CCDC191: variants seen among roughly 807,000 people sequenced by gnomAD.
CCDC191 encodes coiled-coil domain-containing protein 191.
In CCDC191, 99 loss-of-function variants were observed where a neutral mutation model predicts 114.0. The observed-to-expected ratio is 0.87, with a 90% confidence interval of 0.74 to 1.03. The LOEUF (loss-of-function observed/expected upper bound fraction) is 1.03, where lower values mean the gene tolerates loss of function less well. Ranked by LOEUF, CCDC191 falls within the 50% of genes least tolerant of loss-of-function variation. CCDC191 has a pLI of 0.00. For synonymous variants in CCDC191, 351 were observed against 376.0 expected, an observed-to-expected ratio of 0.93 and a Z score of 0.77; for missense variants, 973 against 1,087.0, an observed-to-expected ratio of 0.90 and a Z score of 1.47.
chr3:114,003,442 T>C (rs1305197891), intron 11 of CCDC191: 1 of 985,262 alleles, frequency 1.0e-6, no homozygotes, highest in Non-Finnish European at 1.2e-6. Context: ...GTGCCACAGA[T>C]GGCGAGAGTG....
At chr3:114,015,537 T>A (rs1252917920) in intron 8 of CCDC191, among the ~76,000 whole-genome samples, 1 of 152,166 alleles carries the variant, frequency 6.6e-6, no homozygotes, top group Non-Finnish European at 1.5e-5. Flanking sequence ...CAATTTTGTC[T>A]GGGGCTAGCT....
Position 114,005,544 on chromosome 3 carries a change from C to T in CCDC191, c.1832G>A (p.Arg611Lys). 2 of 1,613,352 alleles carry T rather than the reference C, an allele frequency of 1.2e-6. No homozygotes were observed. Among genetic ancestry groups the T allele is most frequent in the Non-Finnish European group, 1.7e-6 (2 of 1,179,760 alleles). Residue 611 changes from arginine (R) to lysine (K), a missense_variant, in exon 10 of 17, where the codon AGA becomes AAA. Physicochemically the swap from Arg to Lys is conservative, Grantham distance 26. Coordinates refer to ENST00000295878, the MANE Select transcript of CCDC191 (RefSeq NM_020817.2). ...CTGGCAGGTTCTTGGTTCCTCTTCT[C>T]TGGGCTTTGACAGCAGGTGGCTCTG... ...EAQSHLLSKP[R>K]EEEPRTCQML...
intron 16 of CCDC191, among the ~76,000 whole-genome samples, chr3:113,977,561 T>C (rs1478308261): frequency 6.6e-6 from 1 of 152,256 alleles, no homozygotes; most frequent in Non-Finnish European, 1.5e-5. Context: ...GCATATAGTA[T>C]GATTCCATGT....
intron 13 of CCDC191, among the ~76,000 whole-genome samples, chr3:113,995,434 A>G (rs2075693100): frequency 6.6e-6 from 1 of 152,236 alleles, no homozygotes; most frequent in East Asian, 1.9e-4. Flanking sequence ...TTAAAGTAGA[A>G]AAACAACAAA....
intron 9 of CCDC191, among the ~76,000 whole-genome samples, chr3:114,010,152 GA>G (rs1360891592): frequency 6.7e-6 from 1 of 149,278 alleles, no homozygotes. Flanking sequence ...TATTAAGAAG[GA>G]AAAAAAAACA....
chr3:114,033,133 T>C (rs2076432544), intron 6 of CCDC191, among the ~76,000 whole-genome samples: 1 of 151,918 alleles, frequency 6.6e-6, no homozygotes, highest in Non-Finnish European at 1.5e-5. Context: ...TCACTCACTC[T>C]GTCACTCAGG....
chr3:114,003,435 C>T (rs62267064), intron 11 of CCDC191: 83,139 of 985,146 alleles, frequency 0.084, 3,624 homozygotes, highest in Middle Eastern at 0.095. Flanking sequence ...AATGGTAGTG[C>T]CACAGATGGC....
chr3:114,055,813 T>C (rs1422313717), intron 1 of CCDC191, among the ~76,000 whole-genome samples: 2 of 152,216 alleles, frequency 1.3e-5, no homozygotes, highest in East Asian at 1.9e-4. Flanking sequence ...AAATGGGTGA[T>C]AGATACGGAG....
chr3:113,994,991 T>A (rs1418788478), intron 13 of CCDC191, among the ~76,000 whole-genome samples: 1 of 152,188 alleles, frequency 6.6e-6, no homozygotes, highest in African/African-American at 2.4e-5. Flanking sequence ...AACTTGCATA[T>A]GCAGATGAAG....
At chr3:114,020,275 A>C (rs1359448204) in intron 7 of CCDC191, among the ~76,000 whole-genome samples, 1 of 152,072 alleles carries the variant, frequency 6.6e-6, no homozygotes, top group African/African-American at 2.4e-5. Flanking sequence ...AGGATGTATC[A>C]ATGAAAAGAC....
chr3:113,970,408 T>C (rs1018919227), intron 16 of CCDC191, among the ~76,000 whole-genome samples: 2 of 152,012 alleles, frequency 1.3e-5, no homozygotes, highest in African/African-American at 4.8e-5. Flanking sequence ...GATCCTTCCA[T>C]AGTGGCCTCC....
chr3:113,999,994 G>A (rs540663068), intron 13 of CCDC191, among the ~76,000 whole-genome samples: 13 of 152,232 alleles, frequency 8.5e-5, no homozygotes, highest in Admixed American at 3.3e-4. Context: ...AATTATGATC[G>A]TGCTATTGTC....
chr3:114,051,370 C>T (rs183377063), intron 2 of CCDC191, among the ~76,000 whole-genome samples: 26 of 152,234 alleles, frequency 1.7e-4, no homozygotes, highest in Non-Finnish European at 3.7e-4. Context: ...ACCCCTTGTT[C>T]CTTGGCTGTT....
At chr3:114,056,588 C>T (rs772876231), upstream of CCDC191, 28 of 1,591,092 alleles carry the variant, frequency 1.8e-5, no homozygotes, top group South Asian at 3.1e-4. Context: ...GCATAGGACA[C>T]CGTCGAACCA....
intron 13 of CCDC191, among the ~76,000 whole-genome samples, chr3:113,991,230 CA>C (rs375843277): frequency 2.0e-3 from 165 of 82,534 alleles, no homozygotes; most frequent in Middle Eastern, 0.014. Context: ...AGTGAGACTC[CA>C]AAAAAAAAAA....
In CCDC191 at chr3:114,005,720, G is replaced by A. The variant is rs1320077436; in HGVS notation, c.1656C>T (p.Phe552=). The part of the protein sequence containing the change: ...QKAEPLCLGH[F]HNRHVFQQQL... ...GTTGCTGGAAGACATGGCGGTTGTG[G>A]AAATGACCCAAGCAAAGCGGTTCTG... Residue 552 remains phenylalanine, a synonymous_variant, in exon 10 of 17, where the codon TTC becomes TTT. Transcript: ENST00000295878. The A allele has an allele frequency of 1.2e-6, 2 of 1,614,150 alleles. No homozygotes were observed. Among genetic ancestry groups the A allele is most frequent in the Non-Finnish European group, 1.7e-6 (2 of 1,180,010 alleles).
intron 16 of CCDC191, among the ~76,000 whole-genome samples, chr3:113,967,176 TCCA>T (rs1472652325): frequency 6.6e-6 from 1 of 152,112 alleles, no homozygotes; most frequent in Non-Finnish European, 1.5e-5. Flanking sequence ...ATCCATTCAG[TCCA>T]CCATTTACAG....
At chr3:114,002,386 G>A in intron 12 of CCDC191, 70 bp downstream of exon 12, 1 of 1,153,682 alleles carries the variant, frequency 8.7e-7, no homozygotes. Context: ...AAAAAGCAAG[G>A]TTTCATTTTT....
At chr3:114,037,485 T>A (rs2076501978) in intron 4 of CCDC191, among the ~76,000 whole-genome samples, 1 of 152,266 alleles carries the variant, frequency 6.6e-6, no homozygotes, top group African/African-American at 2.4e-5. Flanking sequence ...ATCAATAGTT[T>A]ATCACTTTCT....
Sources: gnomAD v4.1 joint callset for allele counts (sites outside exome capture counted in the v4.1 genomes callset) on GRCh38, gnomAD v4.1.1 for gene constraint, MANE v1.5 for transcripts, NCBI Gene and HGNC (gene_info 2026-07-23, HGNC 2026-07-21) for gene names.